The following MIER2 variants were observed in gnomAD, a reference collection of about 807,000 sequenced individuals.
MIER2 encodes the protein mesoderm induction early response protein 2.
In MIER2, 30 loss-of-function variants were observed where a neutral mutation model predicts 67.6. The ratio of observed to expected loss-of-function variants is 0.44; its 90% CI spans 0.33 to 0.60. The LOEUF is 0.60. MIER2 is among the 20% of genes least tolerant of loss of function. MIER2 has a pLI of 0.02. For synonymous variants in MIER2, 372 were observed against 312.6 expected, an observed-to-expected ratio of 1.19 and a Z score of -2.00; for missense variants, 702 against 745.1, an observed-to-expected ratio of 0.94 and a Z score of 0.67.
At chr19:325,061 T>C (rs1232144703) in intron 7 of MIER2, among the ~76,000 whole-genome samples, 1 of 152,180 alleles carries the variant, frequency 6.6e-6, no homozygotes, top group Non-Finnish European at 1.5e-5. Context: ...TGGAGAAGGC[T>C]CCTGAGCTAG....
intron 7 of MIER2, among the ~76,000 whole-genome samples, chr19:314,731 C>G (rs573846536): frequency 6.6e-4 from 100 of 152,102 alleles, no homozygotes; most frequent in African/African-American, 1.8e-3. Flanking sequence ...AAGAAAACAG[C>G]AGACCATCTC....
chr19:341,919 C>T (rs891115067), intron 1 of MIER2, among the ~76,000 whole-genome samples: 1 of 152,170 alleles, frequency 6.6e-6, no homozygotes, highest in Non-Finnish European at 1.5e-5. Context: ...GAGCACAGAC[C>T]AGCCCTTCCC....
chr19:329,032 C>T (rs766742268), intron 3 of MIER2, among the ~76,000 whole-genome samples: 1 of 152,224 alleles, frequency 6.6e-6, no homozygotes, highest in Non-Finnish European at 1.5e-5. Flanking sequence ...TTGTGTGAGC[C>T]TCTATTCCAC....
At chr19:329,794 A>G (rs1971934807) in intron 3 of MIER2, among the ~76,000 whole-genome samples, 1 of 144,828 alleles carries the variant, frequency 6.9e-6, no homozygotes. Context: ...TGAACCTAGG[A>G]GGCAGAGGTT....
In MIER2 at chr19:344,281, G is replaced by T. The variant is rs1269402741; in HGVS notation, c.9+493C>A. On this transcript the variant is annotated intron_variant, in intron 1 of 13. Transcript: ENST00000264819. Reference sequence around the variant, plus strand: ...CTGACCCAGCCCCGCCGGGGGGCTCGCGGGCGGCGGAGGCGCGGTGGGTCC... The same window carrying T: ...CTGACCCAGCCCCGCCGGGGGGCTCTCGGGCGGCGGAGGCGCGGTGGGTCC... The T allele has an allele frequency of 6.7e-5, 66 of 985,118 alleles. No homozygotes were observed. In the South Asian group the frequency reaches 2.8e-3, roughly 41 times the overall value. 61.0% of individuals were successfully genotyped at this position (985,118 alleles called of 1,614,324 possible). A position where few individuals can be genotyped will look rare whatever the true frequency, so the allele number is the denominator to read the frequency against.
At position 307,420 on chromosome 19, in the gene MIER2, CG is replaced by C; in HGVS notation, c.1314del (p.Ala439LeufsTer79). On this transcript the variant is annotated frameshift_variant, in exon 13 of 14. Transcript: ENST00000264819. LOFTEE classifies it high-confidence loss of function. ...GGGGGCCGATGGGACAGGGGTACAG[CG>C]GGGGACTCATCCAGCTGCTGGAAGG... Reference protein sequence around the residue: ...PCSFQQLDESPAVPLSHRPPA... With the variant: ...PCSFQQLDESXAVPLSHRPPA... 6.3e-7 allele frequency: 1 copy of C among 1,599,400 alleles called. No individual in the cohort carries two copies. Among genetic ancestry groups the C allele is most frequent in the Non-Finnish European group, 8.5e-7 (1 of 1,173,612 alleles).
rs1970659022 is a variant in MIER2 at position 306,572 on chromosome 19, A to G, written c.*118T>C. 1.5e-6 allele frequency: 2 copies of G among 1,339,308 alleles called. No homozygotes were observed. The highest frequency in any genetic ancestry group is 1.5e-5 in the African/African-American group (1 of 68,816). 83.0% of individuals were successfully genotyped at this position (1,339,308 alleles called of 1,614,324 possible). On this transcript the variant is annotated 3_prime_UTR_variant, in exon 14 of 14. Transcript: ENST00000264819. ...CCAGTCCTGACGTGTTCTGAAGCAG[A>G]AGGAGGTGCTACCCCAAGGCCCGGG...
At chr19:323,425 CA>C (rs1160488027) in intron 7 of MIER2, among the ~76,000 whole-genome samples, 1 of 150,848 alleles carries the variant, frequency 6.6e-6, no homozygotes, top group Non-Finnish European at 1.5e-5. Flanking sequence ...CAATGCAATA[CA>C]CAGGACACAC....
chr19:344,276 G>A (rs1280946314), intron 1 of MIER2: 11 of 985,336 alleles, frequency 1.1e-5, no homozygotes, highest in Non-Finnish European at 1.2e-5. Context: ...CCCGCCGGGG[G>A]GCTCGCGGGC....
intron 3 of MIER2, among the ~76,000 whole-genome samples, chr19:333,574 C>T (rs1474573952): frequency 8.7e-5 from 5 of 57,318 alleles, no homozygotes; most frequent in African/African-American, 2.3e-4. Context: ...AGTGCAATGG[C>T]GTGATCTCGG....
intron 3 of MIER2, 150 bp downstream of exon 3, chr19:334,250 A>C: frequency 8.7e-7 from 1 of 1,152,606 alleles, no homozygotes; most frequent in Non-Finnish European, 1.2e-6. Flanking sequence ...GTCTCCACTG[A>C]ATTTCAGCTA....
intron 1 of MIER2, among the ~76,000 whole-genome samples, chr19:338,971 T>C (rs1040142512): frequency 3.3e-5 from 5 of 151,038 alleles, no homozygotes; most frequent in Admixed American, 1.3e-4. Flanking sequence ...AATATATGGA[T>C]AAATATTTGT....
intron 1 of MIER2, chr19:344,375 G>T: frequency 1.0e-6 from 1 of 984,834 alleles, no homozygotes; most frequent in Non-Finnish European, 1.2e-6. Flanking sequence ...GCAAAGGCGC[G>T]GGAGGGGAGG....
intron 1 of MIER2, among the ~76,000 whole-genome samples, chr19:341,991 T>C (rs1025381302): frequency 3.3e-5 from 5 of 151,860 alleles, no homozygotes; most frequent in African/African-American, 1.2e-4. Flanking sequence ...CTGCAAAGCT[T>C]AACCCAAAAT....
At chr19:325,289 T>C (rs893340500) in intron 7 of MIER2, among the ~76,000 whole-genome samples, 4 of 152,146 alleles carry the variant, frequency 2.6e-5, no homozygotes. Context: ...TGGAGAACCA[T>C]CTAACCCGGC....
chr19:344,500 C>T (rs1035814963), intron 1 of MIER2: 11 of 472,678 alleles, frequency 2.3e-5, no homozygotes, highest in Admixed American at 2.0e-4. Flanking sequence ...TCCCCTCCCC[C>T]ACCCCGGCCC....
At chr19:327,359 C>T (rs1034127615) in intron 4 of MIER2, 103 bp from the exon 5 acceptor site, 29 of 1,372,370 alleles carry the variant, frequency 2.1e-5, no homozygotes, top group Non-Finnish European at 2.8e-5. Flanking sequence ...CCCTGAGGCT[C>T]ACATGGGGCT....
At chr19:344,403 C>T in intron 1 of MIER2, 1 of 983,978 alleles carries the variant, frequency 1.0e-6, no homozygotes, top group Non-Finnish European at 1.2e-6. Context: ...GCCGCGGGGC[C>T]CGGGCCGGGG....
intron 1 of MIER2, chr19:343,743 T>G (rs1458084881): frequency 1.4e-6 from 1 of 718,260 alleles, no homozygotes; most frequent in Non-Finnish European, 1.7e-6. Flanking sequence ...TCGTAACTTC[T>G]GCGCACAGAA....
Sources: allele counts gnomAD v4.1 joint callset (sites outside exome capture counted in the v4.1 genomes callset), GRCh38; gene constraint gnomAD v4.1.1; transcripts MANE v1.5; gene names NCBI Gene and HGNC (gene_info 2026-07-23, HGNC 2026-07-21).